Variants in NUP35 observed in about 807,000 individuals in gnomAD.
NUP35 encodes the protein nucleoporin NUP35.
In NUP35, 25 loss-of-function variants were observed where a neutral mutation model predicts 41.5. That is an observed-to-expected ratio of 0.60 (90% CI 0.44 to 0.84). The LOEUF (loss-of-function observed/expected upper bound fraction) is 0.84, where lower values mean the gene tolerates loss of function less well. Ranked by LOEUF, NUP35 falls within the 40% of genes least tolerant of loss-of-function variation. The pLI is 0.00. For synonymous variants in NUP35, 149 were observed against 130.7 expected, an observed-to-expected ratio of 1.14 and a Z score of -0.96; for missense variants, 396 against 396.6, an observed-to-expected ratio of 1.00 and a Z score of 0.01.
At chr2:183,124,529 C>G in intron 1 of NUP35, 32 bp downstream of exon 1, 1 of 1,613,472 alleles carries the variant, frequency 6.2e-7, no homozygotes, top group Non-Finnish European at 8.5e-7. Context: ...CTTGCTGGCA[C>G]TGCCATCCAT....
At chr2:183,121,343 A>T (rs541125070), upstream of NUP35, among the ~76,000 whole-genome samples, 1 of 152,300 alleles carries the variant, frequency 6.6e-6, no homozygotes, top group South Asian at 2.1e-4. Context: ...ACTTCTTTTG[A>T]GATTTTGAAA....
intron 7 of NUP35, among the ~76,000 whole-genome samples, chr2:183,159,285 AG>A (rs1166042469): frequency 2.0e-5 from 3 of 152,130 alleles, no homozygotes; most frequent in Non-Finnish European, 4.4e-5. Context: ...AGGTCACTGA[AG>A]TGAGATTTCT....
chr2:183,137,568 AGAGT>A (rs1340663476), intron 4 of NUP35, among the ~76,000 whole-genome samples: 1 of 152,222 alleles, frequency 6.6e-6, no homozygotes, highest in Non-Finnish European at 1.5e-5. Flanking sequence ...CCTGGGTGAC[AGAGT>A]GAGACCTTGT....
chr2:183,133,717 C>T, intron 4 of NUP35, 94 bp downstream of exon 4: 1 of 704,240 alleles, frequency 1.4e-6, no homozygotes, highest in Non-Finnish European at 2.1e-6. Flanking sequence ...ACGGAGTAAA[C>T]AACTCTGACA....
chr2:183,151,656 T>G lies in NUP35; in HGVS notation c.539+7T>G. 1 of 1,607,330 alleles carries G rather than the reference T, an allele frequency of 6.2e-7. No homozygotes were observed. The highest frequency in any genetic ancestry group is 1.1e-5 in the South Asian group (1 of 89,358). On this transcript the variant is annotated splice_region_variant and intron_variant, in intron 5 of 8. Transcript: ENST00000295119. ...CTTGGGTGACTGTATTTGGGTAAGG[T>G]TTGCAGACCATTTGCCTTTTAAAAA...
Position 183,161,461 on chromosome 2 carries a change from G to A in NUP35, c.*330G>A, listed in dbSNP as rs1161880097. The A allele has an allele frequency of 2.5e-4, 42 of 170,036 alleles. No homozygotes were observed. The highest frequency in any genetic ancestry group is 5.0e-5 in the Non-Finnish European group (4 of 80,076). The allele number at this position is 170,036 out of a possible 1,614,324, so 10.5% of individuals were successfully genotyped here. On this transcript the variant is annotated 3_prime_UTR_variant, in exon 9 of 9. Coordinates refer to ENST00000295119, the MANE Select transcript of NUP35 (RefSeq NM_138285.5). ...GAGACGTCATAGTCTTCATGAGAAC[G>A]TGGGGGTGAATTTCATGAAGGGGAA...
chr2:183,154,770 A>G (rs1454638002), intron 5 of NUP35, among the ~76,000 whole-genome samples: 1 of 152,122 alleles, frequency 6.6e-6, no homozygotes, highest in Non-Finnish European at 1.5e-5. Context: ...ATTTTTGGGT[A>G]TCTTTTCAGC....
intron 5 of NUP35, among the ~76,000 whole-genome samples, chr2:183,156,635 G>A (rs1352116785): frequency 9.9e-5 from 15 of 151,988 alleles, no homozygotes; most frequent in Admixed American, 1.3e-4. Context: ...GTGAGCCATC[G>A]TGCCCAGCCT....
At chr2:183,149,578 A>G (rs1432071204) in intron 4 of NUP35, among the ~76,000 whole-genome samples, 1 of 152,218 alleles carries the variant, frequency 6.6e-6, no homozygotes, top group Non-Finnish European at 1.5e-5. Flanking sequence ...AGACTGAGAA[A>G]AAGGCAAATG....
intron 4 of NUP35, 45 bp from the exon 5 acceptor site, chr2:183,151,463 G>A (rs1023997589): frequency 8.9e-6 from 14 of 1,568,064 alleles, no homozygotes; most frequent in Admixed American, 1.8e-5. Flanking sequence ...AGAATCAATC[G>A]AGGTGTTTAC....
chr2:183,152,253 C>T (rs1685498043), intron 5 of NUP35, among the ~76,000 whole-genome samples: 1 of 150,744 alleles, frequency 6.6e-6, no homozygotes, highest in Admixed American at 6.6e-5. Context: ...TTTTTAGGTC[C>T]AAAAAAAACT....
upstream of NUP35, chr2:183,124,299 C>T (rs892500200): frequency 6.7e-7 from 1 of 1,488,208 alleles, no homozygotes. Context: ...AGACTTTGCC[C>T]TATTCCAAAA....
chr2:183,138,201 T>C (rs1057130578), intron 4 of NUP35, among the ~76,000 whole-genome samples: 1 of 146,880 alleles, frequency 6.8e-6, no homozygotes, highest in Admixed American at 6.8e-5. Flanking sequence ...AAAAAGAGAA[T>C]TGACAGGAAA....
chr2:183,133,759 A>G (rs1684780950), intron 4 of NUP35, 136 bp downstream of exon 4: 2 of 545,260 alleles, frequency 3.7e-6, no homozygotes, highest in South Asian at 9.1e-5. Context: ...GAATGAATTT[A>G]ATATAAAATG....
At chr2:183,131,907 A>T (rs894350470) in intron 3 of NUP35, among the ~76,000 whole-genome samples, 1 of 152,208 alleles carries the variant, frequency 6.6e-6, no homozygotes, top group Non-Finnish European at 1.5e-5. Context: ...CTAAAGGTTG[A>T]TAAGTAAAGC....
At chr2:183,138,959 G>C (rs1684988566) in intron 4 of NUP35, among the ~76,000 whole-genome samples, 1 of 151,110 alleles carries the variant, frequency 6.6e-6, no homozygotes, top group Non-Finnish European at 1.5e-5. Flanking sequence ...CCTTACATGT[G>C]TTCCTTTTAA....
intron 4 of NUP35, among the ~76,000 whole-genome samples, chr2:183,137,759 C>T (rs940108031): frequency 6.0e-5 from 9 of 150,432 alleles, no homozygotes; most frequent in South Asian, 2.1e-4. Flanking sequence ...CACCACTGCA[C>T]GCGAGCCTGG....
Position 183,151,496 on chromosome 2 carries a change from A to T in NUP35, c.398-12A>T. On this transcript the variant is annotated splice_polypyrimidine_tract_variant and intron_variant, in intron 4 of 8. Transcript: ENST00000295119. The stretch of plus-strand genomic sequence containing the variant: ...TACACTGGCAACTAACTTGCTAAAT[A>T]TACTAATATAGGGCAAAGTATGTTT... 1 of 1,611,062 alleles carries T rather than the reference A, an allele frequency of 6.2e-7. No homozygotes were observed.
chr2:183,151,357 T>A, intron 4 of NUP35, 151 bp from the exon 5 acceptor site: 2 of 596,538 alleles, frequency 3.4e-6, no homozygotes, highest in Non-Finnish European at 5.7e-6. Context: ...TATGGTAGCA[T>A]GAAATTGCTA....
Sources: allele counts gnomAD v4.1 joint callset (sites outside exome capture counted in the v4.1 genomes callset), GRCh38; gene constraint gnomAD v4.1.1; transcripts MANE v1.5; gene names NCBI Gene and HGNC (gene_info 2026-07-23, HGNC 2026-07-21).